The following GPBP1 variants were observed in gnomAD, a reference collection of about 807,000 sequenced individuals.
The protein encoded by GPBP1 is GC-rich promoter binding protein 1.
A neutral mutation model predicts 56.5 loss-of-function variants in GPBP1; 13 were observed. The ratio of observed to expected loss-of-function variants is 0.23; its 90% confidence interval spans 0.15 to 0.37. The LOEUF (loss-of-function observed/expected upper bound fraction) is 0.37, where lower values mean the gene tolerates loss of function less well. GPBP1 is among the 10% of genes least tolerant of loss of function. The pLI, the probability that GPBP1 is intolerant of heterozygous loss-of-function variation, is 1.00. For synonymous variants in GPBP1, 204 were observed against 188.9 expected, an observed-to-expected ratio of 1.08 and a Z score of -0.66; for missense variants, 477 against 572.3, an observed-to-expected ratio of 0.83 and a Z score of 1.70.
At chr5:57,254,201 C>T (rs571595281) in intron 10 of GPBP1, among the ~76,000 whole-genome samples, 46 of 152,300 alleles carry the variant, frequency 3.0e-4, no homozygotes, top group African/African-American at 1.0e-3. Flanking sequence ...GCTGGGATTA[C>T]AGCCACCATG....
intron 10 of GPBP1, among the ~76,000 whole-genome samples, chr5:57,258,260 A>G (rs1434018462): frequency 1.3e-5 from 2 of 152,236 alleles, no homozygotes; most frequent in African/African-American, 4.8e-5. Context: ...TCAGTCATGC[A>G]TTGCTTAATG....
chr5:57,235,885 G>A (rs1277238216), intron 5 of GPBP1, 81 bp from the exon 6 acceptor site: 2 of 994,594 alleles, frequency 2.0e-6, no homozygotes, highest in African/African-American at 1.6e-5. Flanking sequence ...TGATTCATCA[G>A]TTACAACATG....
rs758701553 is a variant in GPBP1, at chr5:57,214,173, A to T, written c.43A>T (p.Thr15Ser). 1 of 1,613,100 alleles carries T rather than the reference A, an allele frequency of 6.2e-7. No individual in the cohort carries two copies. Among genetic ancestry groups the T allele is most frequent in the Non-Finnish European group, 8.5e-7 (1 of 1,179,366 alleles). The change falls in exon 3 of 12, where the codon ACT becomes TCT. Residue 15 changes from threonine to serine, a missense_variant. Physicochemically the swap from Thr to Ser is moderately conservative, Grantham distance 58. This residue lies in a region of GPBP1 where 414 missense variants were observed against 458.2 expected (regional missense o/e 0.90). Coordinates refer to ENST00000506184, the MANE Select transcript of GPBP1 (RefSeq NM_022913.4). The part of the protein sequence containing the change: ...DFAPAWLNFP[T>S]PPSSTKSSLN... ...TGCTCCAGCCTGGCTTAATTTCCCT[A>T]CTCCACCATCATCAACAAAGGTACT...
At chr5:57,207,638 A>G (rs1281841676) in intron 2 of GPBP1, among the ~76,000 whole-genome samples, 1 of 152,184 alleles carries the variant, frequency 6.6e-6, no homozygotes, top group Admixed American at 6.5e-5. Context: ...GCCTTGGTGT[A>G]TGGGAAGAAT....
chr5:57,208,655 C>CTTTTTTTTTTTTT (rs70999065), intron 2 of GPBP1, among the ~76,000 whole-genome samples: 1 of 119,070 alleles, frequency 8.4e-6, no homozygotes. Flanking sequence ...TTTTGTTTTT[C>CTTTTTTTTTTTTT]TTTTTTTTTT....
intron 2 of GPBP1, among the ~76,000 whole-genome samples, chr5:57,201,161 T>G (rs1284826926): frequency 6.6e-6 from 1 of 152,136 alleles, no homozygotes; most frequent in Non-Finnish European, 1.5e-5. Flanking sequence ...TTCTGTATCG[T>G]ATGAGGTAAT....
chr5:57,205,971 T>C (rs368896185), intron 2 of GPBP1, among the ~76,000 whole-genome samples: 4 of 152,128 alleles, frequency 2.6e-5, no homozygotes, highest in African/African-American at 9.7e-5. Flanking sequence ...CTCACTGTGT[T>C]GCCCAGGTTA....
intron 2 of GPBP1, among the ~76,000 whole-genome samples, chr5:57,204,336 A>G (rs1261263441): frequency 6.6e-6 from 1 of 151,614 alleles, no homozygotes. Flanking sequence ...TACAACCTCC[A>G]CCTCCCAGGC....
intron 2 of GPBP1, among the ~76,000 whole-genome samples, chr5:57,178,381 A>G (rs1753891345): frequency 6.6e-6 from 1 of 152,006 alleles, no homozygotes; most frequent in Non-Finnish European, 1.5e-5. Context: ...AGTAGCTTGG[A>G]TTACAGGTGC....
At chr5:57,174,924 C>T (rs747096515) in intron 1 of GPBP1, among the ~76,000 whole-genome samples, 1 of 152,176 alleles carries the variant, frequency 6.6e-6, no homozygotes, top group Non-Finnish European at 1.5e-5. Context: ...GTTTGCCCTA[C>T]TTCTAGTTCA....
intron 3 of GPBP1, among the ~76,000 whole-genome samples, chr5:57,217,593 C>A (rs571708696): frequency 3.3e-5 from 5 of 151,778 alleles, no homozygotes; most frequent in Non-Finnish European, 7.4e-5. Flanking sequence ...ACAAAAAACA[C>A]AAAAAAACAC....
intron 6 of GPBP1, chr5:57,245,410 A>C (rs1002839068): frequency 2.0e-5 from 3 of 152,220 alleles, no homozygotes; most frequent in Non-Finnish European, 2.9e-5. Context: ...GAGATGATCC[A>C]TGAGGAAGCT....
intron 2 of GPBP1, among the ~76,000 whole-genome samples, chr5:57,204,683 G>A (rs1348569010): frequency 6.6e-6 from 1 of 152,166 alleles, no homozygotes; most frequent in African/African-American, 2.4e-5. Context: ...CTTTGGTCTA[G>A]AATATTACAG....
chr5:57,236,062 G>T, intron 6 of GPBP1, 30 bp downstream of exon 6: 2 of 1,376,430 alleles, frequency 1.5e-6, no homozygotes, highest in Non-Finnish European at 2.1e-6. Flanking sequence ...TATTTGAGGG[G>T]CACAAAATGT....
chr5:57,188,338 T>C (rs1362502339), intron 2 of GPBP1, among the ~76,000 whole-genome samples: 1 of 152,192 alleles, frequency 6.6e-6, no homozygotes, highest in African/African-American at 2.4e-5. Context: ...AAGGTATATT[T>C]ATGCAAATGA....
chr5:57,261,258 A>G lies in GPBP1; in HGVS notation c.1239A>G (p.Arg413=), dbSNP rs1741880242. Residue 413 remains arginine (R), a synonymous_variant, in exon 11 of 12, where the codon AGA becomes AGG. Transcript: ENST00000506184. ...TCAPLTEDEM[R]EFQVISEQLQ... ...CTCCCTTAACTGAGGATGAAATGAG[A>G]GAATTCCAAGTTATTAGTGAACAGG... 2.5e-6 allele frequency: 4 copies of G among 1,609,018 alleles called. No homozygotes were observed. In the South Asian group the frequency reaches 3.3e-5, roughly 13 times the overall value.
intron 2 of GPBP1, among the ~76,000 whole-genome samples, chr5:57,205,999 C>G (rs1247454262): frequency 6.6e-6 from 1 of 152,144 alleles, no homozygotes; most frequent in Non-Finnish European, 1.5e-5. Flanking sequence ...ACTCCTGGGT[C>G]AAGTGATCCT....
At chr5:57,230,233 A>G (rs997974252) in intron 3 of GPBP1, among the ~76,000 whole-genome samples, 1 of 152,204 alleles carries the variant, frequency 6.6e-6, no homozygotes, top group Non-Finnish European at 1.5e-5. Flanking sequence ...CGCCCGGCCT[A>G]AAATTAAATT....
intron 3 of GPBP1, 43 bp from the exon 4 acceptor site, chr5:57,230,803 A>G (rs1756420751): frequency 6.5e-7 from 1 of 1,533,594 alleles, no homozygotes; most frequent in South Asian, 1.2e-5. Context: ...TTAAAGTTAT[A>G]TTTAGGTTTC....
Sources: allele counts gnomAD v4.1 joint callset (sites outside exome capture counted in the v4.1 genomes callset), GRCh38; gene constraint gnomAD v4.1.1; regional missense constraint gnomAD v4.1.1; transcripts MANE v1.5; gene names NCBI Gene and HGNC (gene_info 2026-07-23, HGNC 2026-07-21).